DNAJC6: variants seen among roughly 807,000 people sequenced by gnomAD.
DNAJC6 encodes auxilin.
DNAJC6 carries 34 observed loss-of-function variants against 110.0 expected under a neutral mutation model. That is an observed-to-expected ratio of 0.31 (90% CI 0.24 to 0.41). DNAJC6 has a LOEUF of 0.41. Among genes scored for constraint, DNAJC6 ranks in the 10% least tolerant of loss-of-function variants. The probability of loss-of-function intolerance (pLI) is 1.00; values close to 1 mark genes in which losing one functional copy is unlikely to be tolerated. For missense variants in DNAJC6, 1,031 were observed against 1,207.8 expected (o/e 0.85, Z 2.17); for synonymous variants, 406 against 437.2 (o/e 0.93, Z 0.89).
intron 6 of DNAJC6, among the ~76,000 whole-genome samples, chr1:65,385,106 A>G (rs534232567): frequency 6.6e-6 from 1 of 152,334 alleles, no homozygotes; most frequent in South Asian, 2.1e-4. Flanking sequence ...AGCTGGTTAT[A>G]CTTATCACTG....
At chr1:65,334,762 T>A (rs924126673) in intron 1 of DNAJC6, among the ~76,000 whole-genome samples, 14 of 152,080 alleles carry the variant, frequency 9.2e-5, no homozygotes, top group Non-Finnish European at 2.1e-4. Flanking sequence ...ATAGGAACAG[T>A]GGGAGGAAAC....
intron 11 of DNAJC6, among the ~76,000 whole-genome samples, chr1:65,389,991 T>G (rs1156796253): frequency 1.3e-5 from 2 of 151,640 alleles, no homozygotes; most frequent in Non-Finnish European, 2.9e-5. Context: ...GCATTCTGGG[T>G]GACAGAGCAA....
intron 1 of DNAJC6, among the ~76,000 whole-genome samples, chr1:65,267,170 T>TA (rs1284352607): frequency 2.6e-5 from 4 of 152,164 alleles, no homozygotes; most frequent in African/African-American, 4.8e-5. Flanking sequence ...GTGCTGGAGT[T>TA]ACAGGTATGA....
chr1:65,327,331 T>A (rs1459175084), intron 1 of DNAJC6, among the ~76,000 whole-genome samples: 1 of 152,154 alleles, frequency 6.6e-6, no homozygotes, highest in East Asian at 1.9e-4. Context: ...GAAACAAACT[T>A]AAAATAGTTA....
chr1:65,401,693 G>A, intron 14 of DNAJC6, 68 bp from the exon 15 acceptor site: 1 of 1,570,402 alleles, frequency 6.4e-7, no homozygotes, highest in East Asian at 2.3e-5. Flanking sequence ...AGTAACTCTG[G>A]AATTCTGAAT....
At position 65,333,575 on chromosome 1, in the gene DNAJC6, G is replaced by A. The variant is rs183967897; in HGVS notation, c.193+23637G>A. Among the ~76,000 whole-genome samples the A allele has an allele frequency of 1.4e-3, 217 of 152,102 alleles. 2 individuals are homozygous for A. Among genetic ancestry groups the A allele is most frequent in the African/African-American group, 4.6e-3 (189 of 41,498 alleles). ...GGTGACAGCATCGGGATTCCAACCCGTATGTTATTATATAAATTGTCTTAA... is the reference window on the plus strand; with the variant it reads ...GGTGACAGCATCGGGATTCCAACCCATATGTTATTATATAAATTGTCTTAA... On this transcript the variant is annotated intron_variant, in intron 1 of 18. Coordinates refer to ENST00000371069, the MANE Select transcript of DNAJC6 (RefSeq NM_001256864.2).
In DNAJC6 at chr1:65,288,717, T is replaced by C. The variant is rs565995358; in HGVS notation, c.-131+23785T>C. 3.1e-4 allele frequency among the ~76,000 whole-genome samples: 47 copies of C among 152,352 alleles called. 1 individual carries two copies. Among genetic ancestry groups the C allele is most frequent in the Admixed American group, 3.1e-3 (47 of 15,310 alleles). ...TAAGAATAACTAATGACCCAATGTT[T>C]TACACTGTAGATTCATTTTGTTCAT... is the stretch of plus-strand genomic sequence containing the variant. On this transcript the variant is annotated intron_variant, in intron 1 of 19. Transcript: ENST00000263441.
chr1:65,314,768 G>A (rs1189601315), intron 1 of DNAJC6, among the ~76,000 whole-genome samples: 6 of 152,242 alleles, frequency 3.9e-5, no homozygotes, highest in East Asian at 1.9e-4. Context: ...GATTACAGGC[G>A]TGAGCCACTG....
At chr1:65,355,264 C>G (rs1453647016) in intron 1 of DNAJC6, among the ~76,000 whole-genome samples, 1 of 84,232 alleles carries the variant, frequency 1.2e-5, no homozygotes, top group Non-Finnish European at 2.3e-5. Flanking sequence ...CACCCTGTCT[C>G]AAAAAAAAAA....
At chr1:65,335,120 T>TTC (rs1557527422) in intron 1 of DNAJC6, among the ~76,000 whole-genome samples, 2 of 151,986 alleles carry the variant, frequency 1.3e-5, no homozygotes, top group African/African-American at 4.8e-5. Context: ...TTTTTTTTTT[T>TTC]TTTCTTTAAA....
At chr1:65,352,053 A>G (rs750473894) in intron 1 of DNAJC6, among the ~76,000 whole-genome samples, 14 of 152,232 alleles carry the variant, frequency 9.2e-5, no homozygotes, top group Non-Finnish European at 1.8e-4. Context: ...GGTGTGGGCC[A>G]CTGCACCCGG....
At position 65,379,390 on chromosome 1, in the gene DNAJC6, G is replaced by T; in HGVS notation, c.544-12G>T. ...CTGGAGGAATTAATTTCCTTTTGCT[G>T]TGCTCCCTTAGGTCTCAGAATGCAG... On this transcript the variant is annotated splice_polypyrimidine_tract_variant and intron_variant, in intron 4 of 18. Coordinates refer to ENST00000371069, the MANE Select transcript of DNAJC6 (RefSeq NM_001256864.2). 6.2e-7 allele frequency: 1 copy of T among 1,613,634 alleles called. No homozygotes were observed. The highest frequency in any genetic ancestry group is 2.2e-5 in the East Asian group (1 of 44,880).
chr1:65,409,328 G>T (rs1327997536), intron 17 of DNAJC6, among the ~76,000 whole-genome samples: 1 of 152,154 alleles, frequency 6.6e-6, no homozygotes. Flanking sequence ...GAGTACAGCT[G>T]TGCCCTTTAA....
At chr1:65,333,920 T>C (rs973042716) in intron 1 of DNAJC6, among the ~76,000 whole-genome samples, 1 of 152,174 alleles carries the variant, frequency 6.6e-6, no homozygotes, top group Non-Finnish European at 1.5e-5. Context: ...TAGATATGAA[T>C]AGAAATAAAT....
At chr1:65,292,432 C>T (rs941279284) in intron 1 of DNAJC6, among the ~76,000 whole-genome samples, 1 of 149,968 alleles carries the variant, frequency 6.7e-6, no homozygotes, top group Non-Finnish European at 1.5e-5. Flanking sequence ...CCACCCCAAA[C>T]TTTTTTCTTT....
intron 4 of DNAJC6, among the ~76,000 whole-genome samples, chr1:65,373,091 G>C (rs6684620): frequency 0.25 from 38,026 of 151,936 alleles, 8,258 homozygotes; most frequent in East Asian, 0.59. Context: ...GGTTATTTCA[G>C]TTATAATGGC....
At chr1:65,290,392 T>C (rs1644858992) in intron 1 of DNAJC6, among the ~76,000 whole-genome samples, 1 of 152,246 alleles carries the variant, frequency 6.6e-6, no homozygotes, top group Admixed American at 6.5e-5. Flanking sequence ...TCACAGTTCC[T>C]ACTTTTTGAG....
At chr1:65,325,667 G>T (rs1017113726) in intron 1 of DNAJC6, among the ~76,000 whole-genome samples, 31 of 152,190 alleles carry the variant, frequency 2.0e-4, no homozygotes, top group African/African-American at 6.8e-4. Flanking sequence ...TATAGCCTTA[G>T]CCAGACTCTG....
At chr1:65,321,482 C>T (rs1230981458) in intron 1 of DNAJC6, among the ~76,000 whole-genome samples, 2 of 152,156 alleles carry the variant, frequency 1.3e-5, no homozygotes, top group Admixed American at 1.3e-4. Flanking sequence ...CAGATGTGAA[C>T]CACCACACCC....
Sources: allele counts gnomAD v4.1 joint callset (sites outside exome capture counted in the v4.1 genomes callset), GRCh38; gene constraint gnomAD v4.1.1; transcripts MANE v1.5; gene names NCBI Gene and HGNC (gene_info 2026-07-23, HGNC 2026-07-21).